Variants in DOCK4 observed in about 807,000 individuals in gnomAD.
DOCK4 encodes dedicator of cytokinesis protein 4.
Under a neutral mutation model 268.1 loss-of-function variants are expected in DOCK4, and 97 were observed. That is an observed-to-expected ratio of 0.36 (90% CI 0.31 to 0.43). The LOEUF (loss-of-function observed/expected upper bound fraction) is 0.43. DOCK4 is among the 20% of genes least tolerant of loss of function. The pLI is 1.00. For synonymous variants in DOCK4, 954 were observed against 887.2 expected, an observed-to-expected ratio of 1.08 and a Z score of -1.34; for missense variants, 2,145 against 2,455.7, an observed-to-expected ratio of 0.87 and a Z score of 2.67.
chr7:111,826,200 G>A (rs1055081436), intron 26 of DOCK4, among the ~76,000 whole-genome samples: 4 of 152,160 alleles, frequency 2.6e-5, no homozygotes, highest in Non-Finnish European at 5.9e-5. Context: ...CACACAGAGG[G>A]AACAACACCT....
chr7:111,844,740 T>A (rs1803957243), intron 25 of DOCK4, 23 bp downstream of exon 25: 1 of 1,602,944 alleles, frequency 6.2e-7, no homozygotes, highest in Admixed American at 1.7e-5. Context: ...CTGTTCCACG[T>A]GCCATCTGCT....
intron 8 of DOCK4, chr7:111,953,582 A>G (rs901550120): frequency 1.3e-5 from 2 of 152,264 alleles, no homozygotes; most frequent in African/African-American, 4.8e-5. Context: ...GCTAAAGGCA[A>G]TTAAGAAGTA....
At chr7:112,130,745 T>C (rs762384988) in intron 1 of DOCK4, among the ~76,000 whole-genome samples, 2 of 152,212 alleles carry the variant, frequency 1.3e-5, no homozygotes, top group Non-Finnish European at 2.9e-5. Context: ...AAATAAAATG[T>C]ACAGAGGCTG....
At chr7:111,941,881 C>T (rs76850236) in intron 10 of DOCK4, among the ~76,000 whole-genome samples, 2,482 of 152,180 alleles carry the variant, frequency 0.016, 63 homozygotes, top group African/African-American at 0.055. Flanking sequence ...CACTCTCCAA[C>T]AAGGATTTTG....
intron 1 of DOCK4, among the ~76,000 whole-genome samples, chr7:112,085,962 T>C (rs919997531): frequency 3.3e-5 from 5 of 152,108 alleles, no homozygotes; most frequent in Non-Finnish European, 7.4e-5. Context: ...AACATTGTAA[T>C]ATGGGCTGGC....
chr7:111,877,123 T>C lies in DOCK4; in HGVS notation c.1651A>G (p.Ile551Val), dbSNP rs780600836. Residue 551 changes from isoleucine (I) to valine (V), a missense_variant, in exon 17 of 53, where the codon ATT becomes GTT. Transcript: ENST00000428084. ...RYLKLPFSKG[I>V]FLGNNNQAMK... Reference sequence around the variant, plus strand: ...GCTTGATTATTATTCCCAAGGAAAATGCCCTTGGAAAAGGGAAGTTTGAGG... The same window carrying C: ...GCTTGATTATTATTCCCAAGGAAAACGCCCTTGGAAAAGGGAAGTTTGAGG... 10 of 1,592,706 alleles carry C rather than the reference T, an allele frequency of 6.3e-6. No homozygotes were observed. Among genetic ancestry groups the C allele is most frequent in the Non-Finnish European group, 8.5e-6 (10 of 1,170,300 alleles).
rs937839355 is a variant in DOCK4 at position 111,943,377 on chromosome 7, G to GT, written c.844+1433dup. Among the ~76,000 whole-genome samples, 8 of 152,272 alleles carry GT rather than the reference G, an allele frequency of 5.3e-5. No individual in the cohort carries two copies. In the East Asian group the frequency reaches 5.8e-4, roughly 11 times the overall value. ...AAGGCACATACTCACTTTGCTGCAT[G>GT]TTTTTTTACCACCCCAAATCCATAG... On this transcript the variant is annotated intron_variant, in intron 10 of 52. Coordinates refer to ENST00000428084, the MANE Select transcript of DOCK4 (RefSeq NM_001363540.2).
rs1315828221 is a variant in DOCK4 at position 111,900,444 on chromosome 7, C to T, written c.1410G>A (p.Leu470=). ...TATCCACAGGAATGGGAAGTTTCAGCAGTTCAGACCACCTGGGACTGTTGT... is the reference window on the plus strand; with the variant it reads ...TATCCACAGGAATGGGAAGTTTCAGTAGTTCAGACCACCTGGGACTGTTGT... ...YHNNSPRWSE[L]LKLPIPVDKF... is the part of the protein sequence containing the mutation. The change falls in exon 15 of 53, where the codon CTG becomes CTA. Residue 470 remains leucine (L), a synonymous_variant. Coordinates refer to ENST00000428084, the MANE Select transcript of DOCK4 (RefSeq NM_001363540.2). 1 of 1,613,380 alleles carries T rather than the reference C, an allele frequency of 6.2e-7. No individual in the cohort carries two copies. Among genetic ancestry groups the T allele is most frequent in the African/African-American group, 1.3e-5 (1 of 75,048 alleles).
intron 1 of DOCK4, among the ~76,000 whole-genome samples, chr7:112,057,657 C>T (rs1246527792): frequency 6.6e-6 from 1 of 151,746 alleles, no homozygotes; most frequent in Non-Finnish European, 1.5e-5. Context: ...TGCCTGTAGT[C>T]CTAGTTACTC....
intron 1 of DOCK4, among the ~76,000 whole-genome samples, chr7:112,137,903 T>C (rs1332717129): frequency 6.6e-6 from 1 of 152,192 alleles, no homozygotes; most frequent in East Asian, 1.9e-4. Flanking sequence ...TGTGTGTGCA[T>C]TACACTGGAT....
chr7:112,047,677 AAATT>A (rs753653797), intron 1 of DOCK4, among the ~76,000 whole-genome samples: 93 of 152,274 alleles, frequency 6.1e-4, no homozygotes, highest in Non-Finnish European at 1.2e-3. Context: ...AACACAGAGA[AAATT>A]AATTAGTTTA....
At chr7:112,098,108 T>C (rs996489036) in intron 1 of DOCK4, among the ~76,000 whole-genome samples, 2 of 152,332 alleles carry the variant, frequency 1.3e-5, no homozygotes, top group African/African-American at 4.8e-5. Flanking sequence ...GGATAATCCA[T>C]ATACCTCTGC....
intron 1 of DOCK4, among the ~76,000 whole-genome samples, chr7:112,056,240 T>G (rs892958839): frequency 6.6e-6 from 1 of 152,188 alleles, no homozygotes; most frequent in Non-Finnish European, 1.5e-5. Flanking sequence ...AGGGGTTATG[T>G]GGCTTTATTG....
At chr7:111,742,946 C>G (rs1796020337) in intron 44 of DOCK4, among the ~76,000 whole-genome samples, 1 of 151,664 alleles carries the variant, frequency 6.6e-6, no homozygotes, top group Non-Finnish European at 1.5e-5. Flanking sequence ...GAGCCAAGAT[C>G]ATGCCACTGC....
intron 12 of DOCK4, among the ~76,000 whole-genome samples, chr7:111,933,584 C>T (rs538912515): frequency 1.3e-5 from 2 of 151,786 alleles, no homozygotes; most frequent in Admixed American, 6.6e-5. Context: ...CGTGAGCCAC[C>T]GCACCCAGCC....
chr7:111,847,671 C>T (rs139009178), intron 23 of DOCK4, among the ~76,000 whole-genome samples: 2 of 152,078 alleles, frequency 1.3e-5, no homozygotes, highest in African/African-American at 2.4e-5. Flanking sequence ...AAGGGGTTTC[C>T]CTTTTCACTT....
chr7:111,826,048 G>T (rs1242041556), intron 26 of DOCK4, among the ~76,000 whole-genome samples: 1 of 152,130 alleles, frequency 6.6e-6, no homozygotes, highest in African/African-American at 2.4e-5. Context: ...TCTGGAACAT[G>T]CCACACAATA....
intron 36 of DOCK4, among the ~76,000 whole-genome samples, chr7:111,771,809 C>A (rs978200666): frequency 1.3e-5 from 2 of 152,182 alleles, no homozygotes; most frequent in South Asian, 2.1e-4. Flanking sequence ...CACCTAAGGG[C>A]CTCACAGCTT....
chr7:111,826,813 G>A (rs1198338449), intron 26 of DOCK4, among the ~76,000 whole-genome samples: 1 of 152,062 alleles, frequency 6.6e-6, no homozygotes, highest in African/African-American at 2.4e-5. Flanking sequence ...CTCAACTGGG[G>A]CCCAAACCTC....
Sources: allele counts gnomAD v4.1 joint callset (sites outside exome capture counted in the v4.1 genomes callset), GRCh38; gene constraint gnomAD v4.1.1; transcripts MANE v1.5; gene names NCBI Gene and HGNC (gene_info 2026-07-23, HGNC 2026-07-21).